KLHL14: variants seen among roughly 807,000 people sequenced by gnomAD.
The protein encoded by KLHL14 is kelch like family member 14.
KLHL14 carries 22 observed loss-of-function variants against 64.3 expected under a neutral mutation model. The observed-to-expected ratio is 0.34, with a 90% CI of 0.24 to 0.49. The LOEUF (loss-of-function observed/expected upper bound fraction) is 0.49, where lower values mean the gene tolerates loss of function less well. Ranked by LOEUF, KLHL14 falls within the 20% of genes least tolerant of loss-of-function variation. The pLI is 0.99. For missense variants in KLHL14, 661 were observed against 789.0 expected, an observed-to-expected ratio of 0.84 and a Z score of 1.94; for synonymous variants, 322 against 333.4, an observed-to-expected ratio of 0.97 and a Z score of 0.37.
intron 3 of KLHL14, among the ~76,000 whole-genome samples, chr18:32,739,163 T>A (rs2050182270): frequency 6.6e-6 from 1 of 152,290 alleles, no homozygotes; most frequent in South Asian, 2.1e-4. Context: ...ACCAGGGGAC[T>A]GTCTCCTACC....
At position 32,759,357 on chromosome 18, in the gene KLHL14, T is replaced by C. The variant is rs145477843; in HGVS notation, c.947+10288A>G. Among the ~76,000 whole-genome samples the C allele has an allele frequency of 1.6e-4, 24 of 152,292 alleles. No homozygotes were observed. In the East Asian group the frequency reaches 4.2e-3, roughly 27 times the overall value. On this transcript the variant is annotated intron_variant, in intron 2 of 8. Transcript: ENST00000359358. ...TGGAAATCCAACTCTAAACATTTTG[T>C]ATGGAAGTGGAAGTCCTAACAAGTG...
chr18:32,687,242 A>G lies in KLHL14; in HGVS notation c.1160-9T>C. 1 of 1,607,034 alleles carries G rather than the reference A, an allele frequency of 6.2e-7. No homozygotes were observed. The highest frequency in any genetic ancestry group is 1.1e-5 in the South Asian group (1 of 90,922). On this transcript the variant is annotated splice_polypyrimidine_tract_variant and intron_variant, in intron 4 of 8. Transcript: ENST00000359358. ...ATTTGTACTGTGTTTTCCTGTAAAA[A>G]TGCATTCGAGACATTTAAAACTTAG...
At chr18:32,695,704 C>G in intron 3 of KLHL14, 152 bp from the exon 4 acceptor site, 7 of 618,414 alleles carry the variant, frequency 1.1e-5, no homozygotes, top group Non-Finnish European at 2.0e-5. Flanking sequence ...CACTACTCAC[C>G]AATCCAGGGA....
At chr18:32,706,649 TGG>T (rs1459996735) in intron 3 of KLHL14, among the ~76,000 whole-genome samples, 3 of 152,174 alleles carry the variant, frequency 2.0e-5, no homozygotes, top group Non-Finnish European at 4.4e-5. Flanking sequence ...TGGTTTGAAC[TGG>T]TTGTCTGTGT....
At chr18:32,678,868 C>T (rs981884781) in intron 7 of KLHL14, among the ~76,000 whole-genome samples, 13 of 152,142 alleles carry the variant, frequency 8.5e-5, no homozygotes, top group South Asian at 4.1e-4. Flanking sequence ...TTGTCATTAC[C>T]TGAGTCTTTC....
chr18:32,772,172 G>T (rs751547910), intron 1 of KLHL14: 5 of 376,218 alleles, frequency 1.3e-5, no homozygotes, highest in South Asian at 9.4e-5. Context: ...GATCCCGGCG[G>T]ACCTGCCCCT....
chr18:32,718,314 T>A (rs1283992801), intron 3 of KLHL14, among the ~76,000 whole-genome samples: 1 of 152,220 alleles, frequency 6.6e-6, no homozygotes, highest in Non-Finnish European at 1.5e-5. Flanking sequence ...ATTTCCTGAA[T>A]TTAAAATGCA....
In KLHL14 at chr18:32,770,402, T is replaced by C; in HGVS notation, c.190A>G (p.Ser64Gly). Residue 64 changes from serine to glycine, a missense_variant, in exon 2 of 9, where the codon AGC becomes GGC. Ser to Gly is a moderately conservative substitution (Grantham distance 56). Around this residue, in one of 2 missense-constraint regions of KLHL14, gnomAD observed 331 missense variants for 339.0 expected, o/e 0.98. Coordinates refer to ENST00000359358, the MANE Select transcript of KLHL14 (RefSeq NM_020805.3). This position sits in a 1 kb window ranked among gnomAD's most constrained non-coding sequence, Gnocchi z 6.7. The stretch of plus-strand genomic sequence containing the variant: ...ACCCCTCCCCCGAGAGGGGGGTGGC[T>C]GGAGAAGAGCGATCGGAAGTACTGC... ...CSQYFRSLFS[S>G]HPPLGGGVGG... The C allele has an allele frequency of 1.2e-6, 2 of 1,600,220 alleles. No individual in the cohort carries two copies. Among genetic ancestry groups the C allele is most frequent in the Non-Finnish European group, 1.7e-6 (2 of 1,172,214 alleles).
chr18:32,752,816 C>T (rs1307384258), intron 2 of KLHL14, among the ~76,000 whole-genome samples: 2 of 131,328 alleles, frequency 1.5e-5, no homozygotes, highest in Admixed American at 1.8e-4. Flanking sequence ...CGGAGTCTCG[C>T]TCTGTCGCCC....
At chr18:32,771,424 C>T (rs368349668) in intron 1 of KLHL14, among the ~76,000 whole-genome samples, 55 of 152,272 alleles carry the variant, frequency 3.6e-4, no homozygotes, top group African/African-American at 1.3e-3. Flanking sequence ...CCCCGCTTCG[C>T]AAACTGTTGG....
intron 7 of KLHL14, among the ~76,000 whole-genome samples, chr18:32,679,609 ATG>A: frequency 6.6e-6 from 1 of 152,268 alleles, no homozygotes; most frequent in Middle Eastern, 3.4e-3. Flanking sequence ...CTGCCAAAAC[ATG>A]TCTCTAAAAA....
chr18:32,747,883 A>T (rs2050231560), intron 2 of KLHL14, among the ~76,000 whole-genome samples: 1 of 152,184 alleles, frequency 6.6e-6, no homozygotes, highest in South Asian at 2.1e-4. Flanking sequence ...TTAAACAGCT[A>T]TGCGTGACTA....
In KLHL14 at chr18:32,770,220, G is replaced by A. The variant is rs920862004; in HGVS notation, c.372C>T (p.Asn124=). The A allele has an allele frequency of 3.7e-6, 6 of 1,608,574 alleles. No homozygotes were observed. The highest frequency in any genetic ancestry group is 2.7e-5 in the African/African-American group (2 of 74,846). ...KLLTSPRAIN[N]LVLQGCSSIG... is the part of the protein sequence containing the mutation. ...TGGACGAGCAGCCCTGCAGCACCAG[G>A]TTGTTGATGGCCCGGGGGCTGGTCA... Residue 124 remains asparagine, a synonymous_variant, in exon 2 of 9, where the codon AAC becomes AAT. Coordinates refer to ENST00000359358, the MANE Select transcript of KLHL14 (RefSeq NM_020805.3). This position sits in a 1 kb window ranked among gnomAD's most constrained non-coding sequence, Gnocchi z 6.7.
intron 4 of KLHL14, among the ~76,000 whole-genome samples, chr18:32,693,413 C>CAG (rs56135629): frequency 0.019 from 1,887 of 96,928 alleles, 49 homozygotes; most frequent in African/African-American, 0.027. Context: ...CACACACACA[C>CAG]AGAGAGAGAG....
chr18:32,755,058 T>C (rs1313743459), intron 2 of KLHL14, among the ~76,000 whole-genome samples: 1 of 151,998 alleles, frequency 6.6e-6, no homozygotes, highest in East Asian at 1.9e-4. Context: ...CCTGCTGCTG[T>C]GGGTGAAATG....
intron 2 of KLHL14, 48 bp from the exon 3 acceptor site, chr18:32,742,097 T>C (rs755520716): frequency 1.9e-6 from 3 of 1,572,538 alleles, no homozygotes; most frequent in Non-Finnish European, 1.7e-6. Context: ...TACTGTAGAG[T>C]CTTTTTAGTG....
rs916894822 is a variant in KLHL14 at position 32,683,226 on chromosome 18, T to G, written c.1239-2627A>C. ...GGCGTTCTTCATGCGACACTTCGTG[T>G]GTACTCCTAGCTTTATCCACACAGT... is the stretch of plus-strand genomic sequence containing the variant. On this transcript the variant is annotated intron_variant, in intron 5 of 8. Coordinates refer to ENST00000359358, the MANE Select transcript of KLHL14 (RefSeq NM_020805.3). The surrounding 1 kb of genome is among the most constrained non-coding windows in gnomAD (Gnocchi z 4.2). Among the ~76,000 whole-genome samples, 2 of 152,212 alleles carry G rather than the reference T, an allele frequency of 1.3e-5. No individual in the cohort carries two copies. The highest frequency in any genetic ancestry group is 2.4e-5 in the African/African-American group (1 of 41,454).
chr18:32,764,156 T>C (rs957755018), intron 2 of KLHL14, among the ~76,000 whole-genome samples: 1 of 152,214 alleles, frequency 6.6e-6, no homozygotes, highest in Non-Finnish European at 1.5e-5. Flanking sequence ...AGAAAAATAG[T>C]GTGTTAAATA....
chr18:32,772,318 G>A (rs2144204960), intron 1 of KLHL14: 6 of 285,446 alleles, frequency 2.1e-5, no homozygotes, highest in South Asian at 8.4e-5. Flanking sequence ...CGCTCCCTCC[G>A]CCGGCAGCAC....
Sources: gnomAD v4.1 joint callset for allele counts (sites outside exome capture counted in the v4.1 genomes callset) on GRCh38, gnomAD v4.1.1 for gene constraint, gnomAD v4.1.1 regional missense constraint, Gnocchi (gnomAD v3.1) non-coding constraint, MANE v1.5 for transcripts, NCBI Gene and HGNC (gene_info 2026-07-23, HGNC 2026-07-21) for gene names.